The following TTC7A variants were observed in gnomAD, a reference collection of about 807,000 sequenced individuals.
TTC7A encodes tetratricopeptide repeat protein 7A.
A neutral mutation model predicts 103.7 loss-of-function variants in TTC7A; 110 were observed. The ratio of observed to expected loss-of-function variants is 1.06; its 90% confidence interval spans 0.91 to 1.24. The LOEUF (loss-of-function observed/expected upper bound fraction) is 1.24, where lower values mean the gene tolerates loss of function less well. Ranked by LOEUF, TTC7A falls within the 50% of genes most tolerant of loss-of-function variation. The pLI, the probability that TTC7A is intolerant of heterozygous loss-of-function variation, is 0.00. For missense variants in TTC7A, 1,340 were observed against 1,116.3 expected, an observed-to-expected ratio of 1.20 and a Z score of -2.86; for synonymous variants, 521 against 467.9, an observed-to-expected ratio of 1.11 and a Z score of -1.47.
At chr2:47,046,622 G>A (rs1682349487) in intron 16 of TTC7A, among the ~76,000 whole-genome samples, 191 bp downstream of exon 16, 2 of 152,216 alleles carry the variant, frequency 1.3e-5, no homozygotes. Context: ...CCTCTATGAA[G>A]TACATAGAGA....
At chr2:46,924,768 A>C (rs1669298307) in intron 2 of TTC7A, among the ~76,000 whole-genome samples, 1 of 152,138 alleles carries the variant, frequency 6.6e-6, no homozygotes, top group South Asian at 2.1e-4. Context: ...CTGGGACTAC[A>C]GGCACACTGC....
rs763982929 is a variant in TTC7A, at chr2:46,978,883, C to T, written c.740C>T (p.Ala247Val). 3 of 1,614,036 alleles carry T rather than the reference C, an allele frequency of 1.9e-6. No homozygotes were observed. The highest frequency in any genetic ancestry group is 1.1e-5 in the South Asian group (1 of 91,084). Residue 247 changes from alanine to valine, a missense_variant, in exon 5 of 20, where the codon GCC (alanine) becomes GTC (valine). Physicochemically the swap from Ala to Val is moderately conservative, Grantham distance 64. Transcript: ENST00000319190. Reference sequence around the variant, plus strand: ...TTCCTGGAAGCTGCCCTCCAGAGCGCCTATGTGAAAAACCTGAAGAAGGGG... The same window carrying T: ...TTCCTGGAAGCTGCCCTCCAGAGCGTCTATGTGAAAAACCTGAAGAAGGGG... ...TYFLEAALQS[A>V]YVKNLKKGNI...
At chr2:46,966,075 G>A (rs1297401483) in intron 3 of TTC7A, among the ~76,000 whole-genome samples, 2 of 151,916 alleles carry the variant, frequency 1.3e-5, no homozygotes, top group Non-Finnish European at 2.9e-5. Flanking sequence ...TCCGCCTCCC[G>A]AGTAGCTGGG....
intron 15 of TTC7A, among the ~76,000 whole-genome samples, chr2:47,042,860 T>C (rs959767279): frequency 7.2e-5 from 11 of 152,226 alleles, no homozygotes; most frequent in Non-Finnish European, 1.5e-4. Flanking sequence ...AGTGGTGTTT[T>C]AGGCTCAGTT....
intron 8 of TTC7A, among the ~76,000 whole-genome samples, chr2:46,997,361 G>A (rs1284886465): frequency 6.6e-6 from 1 of 152,168 alleles, no homozygotes; most frequent in Non-Finnish European, 1.5e-5. Context: ...TGGAAACGGG[G>A]TCGTCTGTTA....
chr2:46,964,681 G>A (rs1672683492), intron 3 of TTC7A, among the ~76,000 whole-genome samples: 1 of 152,146 alleles, frequency 6.6e-6, no homozygotes, highest in South Asian at 2.1e-4. Flanking sequence ...TTATTCCCTG[G>A]CTTTGATTGG....
chr2:46,932,398 C>T (rs547089447), intron 2 of TTC7A, among the ~76,000 whole-genome samples: 8 of 152,294 alleles, frequency 5.3e-5, no homozygotes, highest in African/African-American at 1.7e-4. Context: ...ATCCTCGCAC[C>T]TTGGCCTCCC....
intron 1 of TTC7A, among the ~76,000 whole-genome samples, chr2:46,947,315 A>C (rs1272633590): frequency 6.6e-6 from 1 of 152,220 alleles, no homozygotes; most frequent in Non-Finnish European, 1.5e-5. Context: ...TATATAAAAA[A>C]GTGTCTGGCC....
At chr2:46,933,450 G>A (rs72886684) in intron 2 of TTC7A, among the ~76,000 whole-genome samples, 66 of 152,378 alleles carry the variant, frequency 4.3e-4, no homozygotes, top group African/African-American at 1.6e-3. Flanking sequence ...GCTTGCCTTT[G>A]TAGGACTTCA....
chr2:47,009,837 A>G (rs1677834851), intron 10 of TTC7A, among the ~76,000 whole-genome samples: 1 of 136,520 alleles, frequency 7.3e-6, no homozygotes, highest in Admixed American at 8.1e-5. Context: ...TGGGAGGATT[A>G]CTGCTGAGTT....
At chr2:47,061,568 C>T (rs1233774680) in intron 19 of TTC7A, among the ~76,000 whole-genome samples, 1 of 152,186 alleles carries the variant, frequency 6.6e-6, no homozygotes, top group African/African-American at 2.4e-5. Flanking sequence ...GTCCAGGGCA[C>T]AGTGGCCTCC....
At chr2:47,028,845 T>C (rs555539197) in intron 14 of TTC7A, among the ~76,000 whole-genome samples, 3 of 152,282 alleles carry the variant, frequency 2.0e-5, no homozygotes, top group African/African-American at 7.2e-5. Flanking sequence ...ACCCCCTACC[T>C]GGAGCACCCC....
intron 18 of TTC7A, among the ~76,000 whole-genome samples, chr2:47,053,281 A>G (rs1683020652): frequency 6.6e-6 from 1 of 152,194 alleles, no homozygotes; most frequent in African/African-American, 2.4e-5. Flanking sequence ...GCCTTAGGCA[A>G]AGGTTCCCGT....
intron 14 of TTC7A, among the ~76,000 whole-genome samples, chr2:47,025,595 T>A (rs1374615075): frequency 6.6e-6 from 1 of 152,182 alleles, no homozygotes; most frequent in Non-Finnish European, 1.5e-5. Flanking sequence ...GGTGCCTGTG[T>A]CTGTCCTGAC....
At position 46,993,213 on chromosome 2, in the gene TTC7A, G is replaced by GT. The variant is rs1270213910; in HGVS notation, c.765-235dup. Among the ~76,000 whole-genome samples the GT allele has an allele frequency of 3.9e-5, 6 of 152,374 alleles. No homozygotes were observed. In the East Asian group the frequency reaches 1.2e-3, roughly 29 times the overall value. ...CTTTGGTGGTAAACCGGAAGCCCAA[G>GT]TTGCTGGGGGGAAAGAGGGAAAGGG... On this transcript the variant is annotated intron_variant, in intron 5 of 19. Transcript: ENST00000319190.
At chr2:47,044,529 G>T (rs1342638486) in intron 15 of TTC7A, among the ~76,000 whole-genome samples, 1 of 152,182 alleles carries the variant, frequency 6.6e-6, no homozygotes, top group East Asian at 1.9e-4. Flanking sequence ...ATGCTAGGGG[G>T]ATCCCGGTTT....
chr2:47,032,144 G>T (rs926150465), intron 15 of TTC7A, among the ~76,000 whole-genome samples: 1 of 152,244 alleles, frequency 6.6e-6, no homozygotes, highest in African/African-American at 2.4e-5. Flanking sequence ...GTCAGGGGCT[G>T]CCTTGAGGTT....
chr2:47,032,346 A>G (rs1008948248), intron 15 of TTC7A, among the ~76,000 whole-genome samples: 13 of 152,308 alleles, frequency 8.5e-5, no homozygotes, highest in African/African-American at 3.1e-4. Context: ...TGTGCAGAGT[A>G]ACTGTGCCCC....
intron 19 of TTC7A, chr2:47,068,590 G>A (rs943611211): frequency 1.3e-5 from 2 of 152,024 alleles, no homozygotes; most frequent in Non-Finnish European, 1.5e-5. Context: ...AAAGTAGAGG[G>A]TTCTGCAGGC....
Sources: allele counts gnomAD v4.1 joint callset (sites outside exome capture counted in the v4.1 genomes callset), GRCh38; gene constraint gnomAD v4.1.1; transcripts MANE v1.5; gene names NCBI Gene and HGNC (gene_info 2026-07-23, HGNC 2026-07-21).